The following NTM variants were observed in gnomAD, a reference collection of about 807,000 sequenced individuals.
The protein encoded by NTM is IgLON family member 2.
Under a neutral mutation model 42.1 loss-of-function variants are expected in NTM, and 13 were observed. The observed-to-expected ratio is 0.31, with a 90% CI of 0.20 to 0.49. The LOEUF (loss-of-function observed/expected upper bound fraction) is 0.49, where lower values mean the gene tolerates loss of function less well. Among genes scored for constraint, NTM ranks in the 20% least tolerant of loss-of-function variants. The pLI is 0.99. For synonymous variants in NTM, 187 were observed against 179.2 expected, an observed-to-expected ratio of 1.04 and a Z score of -0.35; for missense variants, 373 against 452.8, an observed-to-expected ratio of 0.82 and a Z score of 1.60.
At chr11:132,275,690 T>TTATATATATATG (rs1555059979) in intron 4 of NTM, among the ~76,000 whole-genome samples, 3 of 100,132 alleles carry the variant, frequency 3.0e-5, no homozygotes, top group African/African-American at 1.0e-4. Context: ...ACTTGATGTT[T>TTATATATATATG]TATATATATA....
At chr11:131,607,016 T>C (rs1164382028) in intron 1 of NTM, among the ~76,000 whole-genome samples, 1 of 152,190 alleles carries the variant, frequency 6.6e-6, no homozygotes, top group Non-Finnish European at 1.5e-5. Context: ...TTAAAATCTG[T>C]TATCGGTTTC....
intron 4 of NTM, among the ~76,000 whole-genome samples, chr11:132,221,508 C>T (rs2085156984): frequency 6.6e-6 from 1 of 152,108 alleles, no homozygotes; most frequent in Non-Finnish European, 1.5e-5. Flanking sequence ...AGTGCAGGGG[C>T]TTCATTGCTG....
intron 1 of NTM, among the ~76,000 whole-genome samples, chr11:131,446,522 T>A (rs560419402): frequency 6.6e-6 from 1 of 152,240 alleles, no homozygotes; most frequent in African/African-American, 2.4e-5. Flanking sequence ...TTAAAAAAAA[T>A]GAATTCTTCA....
intron 1 of NTM, among the ~76,000 whole-genome samples, chr11:131,465,255 A>G (rs1408534101): frequency 6.6e-5 from 10 of 152,134 alleles, no homozygotes; most frequent in African/African-American, 2.4e-4. Context: ...TGCACAGATG[A>G]GCCGCCCCAT....
chr11:131,910,788 C>G, intron 1 of NTM: 1 of 971,356 alleles, frequency 1.0e-6, no homozygotes, highest in Non-Finnish European at 1.2e-6. Context: ...CCGCCGCAGC[C>G]CCTGCCCCGC....
chr11:131,765,682 A>C (rs2084982568), intron 1 of NTM, among the ~76,000 whole-genome samples: 2 of 152,192 alleles, frequency 1.3e-5, no homozygotes, highest in African/African-American at 4.8e-5. Context: ...AATCTTCATG[A>C]GGCCAGGCAC....
chr11:131,706,025 C>CA (rs1429117262), intron 1 of NTM, among the ~76,000 whole-genome samples: 1 of 151,966 alleles, frequency 6.6e-6, no homozygotes, highest in African/African-American at 2.4e-5. Context: ...AATCTCGAAT[C>CA]AAAAGCCATA....
intron 4 of NTM, among the ~76,000 whole-genome samples, chr11:132,221,308 T>G (rs918980553): frequency 6.6e-6 from 1 of 152,174 alleles, no homozygotes. Context: ...CATAGTAATA[T>G]CTATTCTTCA....
intron 4 of NTM, among the ~76,000 whole-genome samples, chr11:132,222,886 C>T (rs1055982310): frequency 6.6e-6 from 1 of 152,228 alleles, no homozygotes; most frequent in African/African-American, 2.4e-5. Flanking sequence ...AACTGATTTG[C>T]AGCCCGGGAG....
intron 3 of NTM, among the ~76,000 whole-genome samples, chr11:132,151,032 T>C (rs184709470): frequency 6.6e-5 from 10 of 152,302 alleles, no homozygotes; most frequent in African/African-American, 2.4e-4. Context: ...TTATTAACAT[T>C]TAGGTCTAAT....
chr11:131,652,705 C>T (rs1474492919), intron 1 of NTM, among the ~76,000 whole-genome samples: 1 of 152,180 alleles, frequency 6.6e-6, no homozygotes, highest in Admixed American at 6.5e-5. Flanking sequence ...CCCTCCCCTG[C>T]CTGTTGGGCA....
chr11:131,704,609 A>C (rs2076401921), intron 1 of NTM, among the ~76,000 whole-genome samples: 1 of 152,228 alleles, frequency 6.6e-6, no homozygotes, highest in African/African-American at 2.4e-5. Context: ...CAAAGGAACA[A>C]AATGAAACAC....
At chr11:131,999,947 C>G (rs184417401) in intron 2 of NTM, among the ~76,000 whole-genome samples, 1 of 152,142 alleles carries the variant, frequency 6.6e-6, no homozygotes, top group Non-Finnish European at 1.5e-5. Flanking sequence ...TCCTCCCCTT[C>G]CTGCGTACTA....
chr11:131,636,956 G>A (rs1592313313), intron 1 of NTM, among the ~76,000 whole-genome samples: 1 of 152,236 alleles, frequency 6.6e-6, no homozygotes, highest in East Asian at 1.9e-4. Flanking sequence ...CTCAGGAATG[G>A]CTAGATAGAT....
At chr11:131,586,466 G>A (rs909490576) in intron 1 of NTM, among the ~76,000 whole-genome samples, 1 of 152,174 alleles carries the variant, frequency 6.6e-6, no homozygotes, top group Non-Finnish European at 1.5e-5. Context: ...GCCATGTTGT[G>A]AGGAAGCCCT....
At chr11:132,163,235 C>G (rs1484324664) in intron 3 of NTM, among the ~76,000 whole-genome samples, 1 of 152,164 alleles carries the variant, frequency 6.6e-6, no homozygotes, top group Non-Finnish European at 1.5e-5. Context: ...TCTGGCTCCT[C>G]TAGGCCCAGA....
intron 1 of NTM, among the ~76,000 whole-genome samples, chr11:131,603,577 A>T (rs978267783): frequency 1.3e-5 from 2 of 152,164 alleles, no homozygotes; most frequent in African/African-American, 4.8e-5. Context: ...TGTGAAATGT[A>T]TTGGTGTTTA....
chr11:131,763,730 T>TTTTTTTTTTTTTC (rs2084643272), intron 1 of NTM, among the ~76,000 whole-genome samples: 1 of 147,018 alleles, frequency 6.8e-6, no homozygotes, highest in Non-Finnish European at 1.5e-5. Flanking sequence ...TTTTTTTTTT[T>TTTTTTTTTTTTTC]TTTTTGGCAT....
chr11:131,782,304 C>G (rs1278437272), intron 1 of NTM, among the ~76,000 whole-genome samples: 2 of 151,800 alleles, frequency 1.3e-5, no homozygotes, highest in African/African-American at 4.8e-5. Context: ...TGAAAAAATT[C>G]CCCACAAACC....
Sources: allele counts gnomAD v4.1 joint callset (sites outside exome capture counted in the v4.1 genomes callset), GRCh38; gene constraint gnomAD v4.1.1; transcripts MANE v1.5; gene names NCBI Gene and HGNC (gene_info 2026-07-23, HGNC 2026-07-21).